MPPED2: variants seen among roughly 807,000 people sequenced by gnomAD.
MPPED2 encodes the protein metallophosphoesterase domain containing 2.
A neutral mutation model predicts 33.0 loss-of-function variants in MPPED2; 5 were observed. That is an observed-to-expected ratio of 0.15 (90% CI 0.08 to 0.32). MPPED2 has a LOEUF of 0.32. Ranked by LOEUF, MPPED2 falls within the 10% of genes least tolerant of loss-of-function variation. The pLI is 1.00. For synonymous variants in MPPED2, 136 were observed against 141.9 expected (o/e 0.96, Z 0.29); for missense variants, 275 against 372.1 (o/e 0.74, Z 2.15).
chr11:30,417,411 CT>C (rs11354702), intron 5 of MPPED2, 106 bp downstream of exon 5: 268,401 of 436,278 alleles, frequency 0.62, 63,267 homozygotes, highest in Admixed American at 0.66. Flanking sequence ...CTCGTATTCA[CT>C]TTTTTTTTTT....
At chr11:30,416,347 G>T (rs1186020931) in intron 5 of MPPED2, among the ~76,000 whole-genome samples, 1 of 152,200 alleles carries the variant, frequency 6.6e-6, no homozygotes, top group Non-Finnish European at 1.5e-5. Flanking sequence ...GTGAAACATG[G>T]GCCACTTCCC....
At chr11:30,488,124 T>C (rs1180810777) in intron 4 of MPPED2, among the ~76,000 whole-genome samples, 2 of 152,188 alleles carry the variant, frequency 1.3e-5, no homozygotes, top group African/African-American at 4.8e-5. Context: ...AAACTCTCTA[T>C]GTTGGTCTCT....
intron 4 of MPPED2, among the ~76,000 whole-genome samples, chr11:30,453,007 C>T (rs980616129): frequency 1.2e-4 from 19 of 152,140 alleles, no homozygotes; most frequent in African/African-American, 4.3e-4. Context: ...ATGAAGTTAG[C>T]AGGCATTTGC....
intron 4 of MPPED2, among the ~76,000 whole-genome samples, chr11:30,464,192 C>T (rs1950614699): frequency 6.6e-6 from 1 of 151,244 alleles, no homozygotes; most frequent in Non-Finnish European, 1.5e-5. Flanking sequence ...ACTTGGATCT[C>T]ATGGACTAGT....
intron 6 of MPPED2, among the ~76,000 whole-genome samples, chr11:30,390,127 T>G (rs1947753339): frequency 6.6e-6 from 1 of 152,240 alleles, no homozygotes; most frequent in African/African-American, 2.4e-5. Flanking sequence ...TTTACTAATT[T>G]TGATTCTCAG....
intron 6 of MPPED2, among the ~76,000 whole-genome samples, chr11:30,389,197 C>T (rs559297481): frequency 1.3e-5 from 2 of 152,228 alleles, no homozygotes; most frequent in South Asian, 2.1e-4. Context: ...TGGCCTCTAG[C>T]GATGAAGCTG....
At chr11:30,581,196 A>G (rs1418226732) in intron 1 of MPPED2, among the ~76,000 whole-genome samples, 2 of 152,068 alleles carry the variant, frequency 1.3e-5, no homozygotes, top group African/African-American at 2.4e-5. Context: ...CTGGACCACC[A>G]CTTTGAATGC....
At chr11:30,495,578 A>C (rs1590567412) in intron 3 of MPPED2, 57 bp from the exon 4 acceptor site, 77 of 1,277,604 alleles carry the variant, frequency 6.0e-5, no homozygotes, top group East Asian at 2.3e-5. Flanking sequence ...ACAAAGTACA[A>C]CAGCCGAGAC....
chr11:30,562,019 A>G (rs2134725968), intron 2 of MPPED2, among the ~76,000 whole-genome samples: 1 of 152,302 alleles, frequency 6.6e-6, no homozygotes, highest in South Asian at 2.1e-4. Flanking sequence ...TGAGCTTTGT[A>G]AAATGTACTG....
chr11:30,557,902 T>G (rs2134687868), intron 2 of MPPED2, among the ~76,000 whole-genome samples: 1 of 152,342 alleles, frequency 6.6e-6, no homozygotes, highest in East Asian at 1.9e-4. Flanking sequence ...GAGAACTCAC[T>G]AATGAATTTT....
chr11:30,500,179 C>A (rs569525583), intron 3 of MPPED2, among the ~76,000 whole-genome samples: 6 of 152,330 alleles, frequency 3.9e-5, no homozygotes, highest in African/African-American at 1.4e-4. Context: ...CTCCTAATGG[C>A]CAAAGCCATG....
chr11:30,523,491 G>C (rs1200334092), intron 3 of MPPED2, among the ~76,000 whole-genome samples: 1 of 152,016 alleles, frequency 6.6e-6, no homozygotes, highest in Non-Finnish European at 1.5e-5. Flanking sequence ...ACAACAAAAT[G>C]ATCATGTCTA....
rs569963034 is a variant in MPPED2 at position 30,547,370 on chromosome 11, C to T, written c.129-11195G>A. ...GAAGCTTTATTACTACTAACAATCA[C>T]GCCTAATATTTAGCAGTATTTACTA... On this transcript the variant is annotated intron_variant, in intron 2 of 6. Coordinates refer to ENST00000358117, the MANE Select transcript of MPPED2 (RefSeq NM_001584.3). Among the ~76,000 whole-genome samples, 8 of 152,322 alleles carry T rather than the reference C, an allele frequency of 5.3e-5. No homozygotes were observed. In the South Asian group the frequency reaches 1.2e-3, roughly 24 times the overall value.
At chr11:30,567,282 A>G (rs180996833) in intron 2 of MPPED2, among the ~76,000 whole-genome samples, 18 of 152,254 alleles carry the variant, frequency 1.2e-4, no homozygotes, top group Admixed American at 1.2e-3. Flanking sequence ...AAAGGAAATC[A>G]TTTTGCGATC....
chr11:30,529,459 G>T (rs541265325), intron 3 of MPPED2, among the ~76,000 whole-genome samples: 1 of 151,952 alleles, frequency 6.6e-6, no homozygotes, highest in Non-Finnish European at 1.5e-5. Context: ...ATAATATATC[G>T]TTAAGATGAA....
intron 2 of MPPED2, among the ~76,000 whole-genome samples, chr11:30,556,997 T>C (rs1955993184): frequency 6.6e-6 from 1 of 151,724 alleles, no homozygotes; most frequent in African/African-American, 2.4e-5. Flanking sequence ...ATCAAAATCA[T>C]AAGGGGGTTA....
chr11:30,534,346 G>A (rs1246189604), intron 3 of MPPED2, among the ~76,000 whole-genome samples: 1 of 152,138 alleles, frequency 6.6e-6, no homozygotes, highest in African/African-American at 2.4e-5. Flanking sequence ...ATGGATGAAA[G>A]TTGCTAAAAT....
chr11:30,390,149 A>C (rs921084979), intron 6 of MPPED2, among the ~76,000 whole-genome samples: 13 of 152,376 alleles, frequency 8.5e-5, no homozygotes, highest in South Asian at 6.2e-4. Context: ...TTCTTTTAAA[A>C]TATGCCAGAA....
chr11:30,548,427 C>T (rs904833156), intron 2 of MPPED2, among the ~76,000 whole-genome samples: 3 of 151,996 alleles, frequency 2.0e-5, no homozygotes, highest in Non-Finnish European at 4.4e-5. Context: ...GCTATGTTGC[C>T]CAGGCTGGTC....
Sources: gnomAD v4.1 joint callset for allele counts (sites outside exome capture counted in the v4.1 genomes callset) on GRCh38, gnomAD v4.1.1 for gene constraint, MANE v1.5 for transcripts, NCBI Gene and HGNC (gene_info 2026-07-23, HGNC 2026-07-21) for gene names.